Variants in ZMAT4 observed in about 807,000 individuals in gnomAD.
The protein encoded by ZMAT4 is zinc finger matrin-type 4.
In ZMAT4, 17 loss-of-function variants were observed where a neutral mutation model predicts 28.7. The ratio of observed to expected loss-of-function variants is 0.59; its 90% CI spans 0.41 to 0.89. The LOEUF (loss-of-function observed/expected upper bound fraction) is 0.89. Among genes scored for constraint, ZMAT4 ranks in the 40% least tolerant of loss-of-function variants. ZMAT4 has a pLI of 0.00. For missense variants in ZMAT4, 240 were observed against 283.8 expected (o/e 0.85, Z 1.11); for synonymous variants, 117 against 109.2 (o/e 1.07, Z -0.44).
At chr8:40,811,402 G>A (rs1815308690) in intron 2 of ZMAT4, among the ~76,000 whole-genome samples, 1 of 152,174 alleles carries the variant, frequency 6.6e-6, no homozygotes, top group Non-Finnish European at 1.5e-5. Context: ...ACAGGCAAAT[G>A]TCACAGCCTG....
At chr8:40,716,809 C>T (rs1810877740) in intron 3 of ZMAT4, among the ~76,000 whole-genome samples, 1 of 152,196 alleles carries the variant, frequency 6.6e-6, no homozygotes, top group African/African-American at 2.4e-5. Context: ...AAGCAAGTCT[C>T]CTTGAGATAT....
chr8:40,569,071 G>T (rs1444752447), intron 6 of ZMAT4, among the ~76,000 whole-genome samples: 1 of 152,100 alleles, frequency 6.6e-6, no homozygotes, highest in South Asian at 2.1e-4. Context: ...TTTGATTATG[G>T]GATTAAATTA....
At chr8:40,614,979 C>T (rs140726789) in intron 5 of ZMAT4, among the ~76,000 whole-genome samples, 218 of 152,122 alleles carry the variant, frequency 1.4e-3, no homozygotes, top group East Asian at 0.01. Flanking sequence ...TGATGTTAGA[C>T]GGTTATTTTG....
At position 40,861,125 on chromosome 8, in the gene ZMAT4, AG is replaced by A. The variant is rs757647953; in HGVS notation, c.-4-35446del. 5.7e-4 allele frequency among the ~76,000 whole-genome samples: 87 copies of A among 152,292 alleles called. 1 individual carries two copies. The highest frequency in any genetic ancestry group is 1.0e-3 in the South Asian group (5 of 4,816). On this transcript the variant is annotated intron_variant, in intron 1 of 6. Transcript: ENST00000297737. ...AATAGTTCATGCTTCCTCCTCGATT[AG>A]TCTGAAACTCTGCTAGGGCCAGGGG...
chr8:40,545,574 A>G (rs896215790), intron 6 of ZMAT4, among the ~76,000 whole-genome samples: 2 of 152,150 alleles, frequency 1.3e-5, no homozygotes, highest in Non-Finnish European at 2.9e-5. Flanking sequence ...TCCTTATGAA[A>G]AGGACAAATT....
intron 6 of ZMAT4, among the ~76,000 whole-genome samples, chr8:40,563,932 C>T (rs1413727917): frequency 6.6e-6 from 1 of 152,094 alleles, no homozygotes; most frequent in South Asian, 2.1e-4. Context: ...TGGCAGGTCT[C>T]CTACAGGGGA....
At chr8:40,757,158 G>C (rs962133148) in intron 3 of ZMAT4, among the ~76,000 whole-genome samples, 1 of 152,170 alleles carries the variant, frequency 6.6e-6, no homozygotes, top group Non-Finnish European at 1.5e-5. Flanking sequence ...TATGGAAGCC[G>C]AAGCAGGAAG....
intron 6 of ZMAT4, among the ~76,000 whole-genome samples, chr8:40,541,159 CT>C (rs1312857277): frequency 3.3e-5 from 5 of 152,038 alleles, no homozygotes; most frequent in African/African-American, 4.8e-5. Context: ...TAAATGTGAT[CT>C]ATTATTTATT....
intron 1 of ZMAT4, among the ~76,000 whole-genome samples, chr8:40,863,587 G>A (rs1817576442): frequency 6.6e-6 from 1 of 152,220 alleles, no homozygotes; most frequent in Admixed American, 6.5e-5. Context: ...AACCAGCTAA[G>A]TTGAAAGTTC....
chr8:40,617,171 TTG>T (rs1296298236), intron 5 of ZMAT4, among the ~76,000 whole-genome samples: 1 of 152,166 alleles, frequency 6.6e-6, no homozygotes, highest in African/African-American at 2.4e-5. Flanking sequence ...ATATTATATA[TTG>T]TTAACAAAAA....
chr8:40,840,252 T>TA (rs1418415797), intron 1 of ZMAT4, among the ~76,000 whole-genome samples: 2 of 152,142 alleles, frequency 1.3e-5, no homozygotes, highest in Non-Finnish European at 2.9e-5. Context: ...CACCCATGGC[T>TA]ACTAACTGAC....
intron 1 of ZMAT4, among the ~76,000 whole-genome samples, chr8:40,865,981 C>T (rs534777172): frequency 2.0e-5 from 3 of 152,360 alleles, no homozygotes; most frequent in South Asian, 2.1e-4. Flanking sequence ...GGAGTGCCCT[C>T]TGTGTGCCAA....
At chr8:40,590,423 A>T (rs1300274668) in intron 5 of ZMAT4, among the ~76,000 whole-genome samples, 1 of 151,864 alleles carries the variant, frequency 6.6e-6, no homozygotes, top group Non-Finnish European at 1.5e-5. Flanking sequence ...CATCTCTTTA[A>T]ATACATCAAA....
intron 5 of ZMAT4, among the ~76,000 whole-genome samples, chr8:40,674,080 CTTTTTTTTTTT>C: frequency 1.9e-5 from 2 of 107,274 alleles, no homozygotes; most frequent in Admixed American, 2.3e-4. Context: ...TTTTTATCAT[CTTTTTTTTTTT>C]TTTTTTTTTT....
At chr8:40,667,443 C>T (rs1176085710) in intron 5 of ZMAT4, among the ~76,000 whole-genome samples, 2 of 152,100 alleles carry the variant, frequency 1.3e-5, no homozygotes, top group African/African-American at 4.8e-5. Context: ...TGTGAGCCAC[C>T]GTGCCCGGCC....
intron 5 of ZMAT4, among the ~76,000 whole-genome samples, chr8:40,664,203 T>C (rs1808311181): frequency 6.6e-6 from 1 of 152,078 alleles, no homozygotes; most frequent in African/African-American, 2.4e-5. Flanking sequence ...AAAGGGGAGC[T>C]TCCTCCAGAT....
chr8:40,821,711 A>G (rs143695416), intron 2 of ZMAT4, among the ~76,000 whole-genome samples: 162 of 152,284 alleles, frequency 1.1e-3, no homozygotes, highest in African/African-American at 3.7e-3. Flanking sequence ...CTCTTCCCCA[A>G]CAATATGCCC....
At chr8:40,828,951 G>T (rs1311825538) in intron 1 of ZMAT4, among the ~76,000 whole-genome samples, 1 of 144,350 alleles carries the variant, frequency 6.9e-6, no homozygotes, top group South Asian at 2.3e-4. Flanking sequence ...CAGCTGGTAA[G>T]AAAAAGGAAA....
intron 2 of ZMAT4, among the ~76,000 whole-genome samples, chr8:40,771,566 T>C (rs1300824193): frequency 6.6e-6 from 1 of 152,236 alleles, no homozygotes; most frequent in Non-Finnish European, 1.5e-5. Context: ...ATTGTCCACA[T>C]TTTCATCAAC....
Sources: gnomAD v4.1 joint callset for allele counts (sites outside exome capture counted in the v4.1 genomes callset) on GRCh38, gnomAD v4.1.1 for gene constraint, MANE v1.5 for transcripts, NCBI Gene and HGNC (gene_info 2026-07-23, HGNC 2026-07-21) for gene names.